Variants in CEP126 observed in about 807,000 individuals in gnomAD.
CEP126 encodes centrosomal protein 126, also known as centrosomal protein of 126 kDa.
CEP126 carries 74 observed loss-of-function variants against 107.8 expected under a neutral mutation model. The ratio of observed to expected loss-of-function variants is 0.69; its 90% confidence interval spans 0.57 to 0.83. CEP126 has a LOEUF of 0.83. Ranked by LOEUF, CEP126 falls within the 40% of genes least tolerant of loss-of-function variation. CEP126 has a pLI of 0.00. For synonymous variants in CEP126, 449 were observed against 446.0 expected, an observed-to-expected ratio of 1.01 and a Z score of -0.08; for missense variants, 1,237 against 1,281.9, an observed-to-expected ratio of 0.96 and a Z score of 0.53.
intron 3 of CEP126, 105 bp from the exon 4 acceptor site, chr11:101,947,926 A>T: frequency 2.2e-6 from 1 of 462,790 alleles, no homozygotes. Context: ...TTATTTTTAC[A>T]AAAGTTTTAA....
chr11:101,966,877 G>A (rs553382991), intron 6 of CEP126, among the ~76,000 whole-genome samples: 3 of 152,006 alleles, frequency 2.0e-5, no homozygotes. Flanking sequence ...CTATTACCCA[G>A]GTAGTAAGCA....
chr11:101,960,879 A>T (rs570787069), intron 5 of CEP126, among the ~76,000 whole-genome samples: 54 of 152,160 alleles, frequency 3.5e-4, no homozygotes, highest in South Asian at 8.3e-4. Context: ...CTTAAAATTT[A>T]TTTCTATATA....
At chr11:101,977,122 T>C (rs1941200504) in intron 6 of CEP126, among the ~76,000 whole-genome samples, 1 of 152,108 alleles carries the variant, frequency 6.6e-6, no homozygotes, top group East Asian at 1.9e-4. Flanking sequence ...CAATATACAT[T>C]TAGTGTAAAA....
chr11:101,995,439 G>C (rs1258262780), intron 10 of CEP126, among the ~76,000 whole-genome samples: 5 of 152,158 alleles, frequency 3.3e-5, no homozygotes, highest in Non-Finnish European at 7.3e-5. Flanking sequence ...AGGGCAGCTT[G>C]GGCATTTAGA....
At chr11:101,976,273 G>A (rs931316850) in intron 6 of CEP126, among the ~76,000 whole-genome samples, 1 of 152,038 alleles carries the variant, frequency 6.6e-6, no homozygotes, top group Non-Finnish European at 1.5e-5. Context: ...ATAGCCATTC[G>A]GGCTGGTGTG....
chr11:101,941,780 C>A (rs1268010444), intron 2 of CEP126, among the ~76,000 whole-genome samples: 4 of 152,158 alleles, frequency 2.6e-5, no homozygotes, highest in African/African-American at 9.6e-5. Flanking sequence ...GTTCCAGTTT[C>A]TCTACATCCT....
At chr11:101,980,810 A>G (rs902967510) in intron 7 of CEP126, among the ~76,000 whole-genome samples, 8 of 152,204 alleles carry the variant, frequency 5.3e-5, no homozygotes, top group African/African-American at 1.9e-4. Flanking sequence ...TACAATTGCC[A>G]CTTTGCACGA....
At chr11:101,929,781 G>A (rs995805903) in intron 2 of CEP126, among the ~76,000 whole-genome samples, 5 of 152,116 alleles carry the variant, frequency 3.3e-5, no homozygotes, top group African/African-American at 1.2e-4. Context: ...GGAGGGTTGA[G>A]GGCACATTGT....
chr11:101,994,054 T>C (rs1018076317), intron 10 of CEP126, among the ~76,000 whole-genome samples: 4 of 152,090 alleles, frequency 2.6e-5, no homozygotes, highest in African/African-American at 9.7e-5. Context: ...GCCAACATGG[T>C]GAAACCCTGT....
At position 101,934,649 on chromosome 11, in the gene CEP126, T is replaced by C. The variant is rs149839849; in HGVS notation, c.249-9616T>C. On this transcript the variant is annotated intron_variant, in intron 2 of 10. Coordinates refer to ENST00000263468, the MANE Select transcript of CEP126 (RefSeq NM_020802.4). ...CTGCCCTTCATAGCAACCACTGTTA[T>C]AATTTCTATCATCAGAGTTAATTTT... Among the ~76,000 whole-genome samples the C allele has an allele frequency of 1.1e-4, 17 of 152,218 alleles. No individual in the cohort carries two copies. The East Asian group carries it at 3.1e-3, about 28-fold the overall frequency.
intron 4 of CEP126, chr11:101,956,343 C>A (rs1247879787): frequency 6.6e-6 from 3 of 456,334 alleles, no homozygotes; most frequent in Non-Finnish European, 8.8e-6. Flanking sequence ...CCCCCTTATC[C>A]ACCAGTCCCC....
rs1290442331 is a variant in CEP126 at position 102,000,785 on chromosome 11, G to A, written c.*3142G>A. The A allele has an allele frequency of 6.6e-6, 1 of 152,068 alleles. No homozygotes were observed. The highest frequency in any genetic ancestry group is 1.5e-5 in the Non-Finnish European group (1 of 68,006). 9.4% of individuals were successfully genotyped at this position (152,068 alleles called of 1,614,324 possible). A position where few individuals can be genotyped will look rare whatever the true frequency, so the allele number is the denominator to read the frequency against. On this transcript the variant is annotated 3_prime_UTR_variant, in exon 11 of 11. Transcript: ENST00000263468. ...GTTTAAACACATTTCCGAGAGGCAG[G>A]GCAACTAATAACTGGTCAGAAAAAT...
At chr11:101,986,135 A>G (rs1029337672) in intron 8 of CEP126, among the ~76,000 whole-genome samples, 17 of 151,874 alleles carry the variant, frequency 1.1e-4, no homozygotes, top group African/African-American at 3.9e-4. Context: ...AGCACCCACA[A>G]TAACACCTGG....
rs1312905068 is a variant in CEP126, at chr11:101,998,222, T to C, written c.*579T>C. The C allele has an allele frequency of 6.6e-6, 1 of 152,254 alleles. No individual in the cohort carries two copies. Among genetic ancestry groups the C allele is most frequent in the African/African-American group, 2.4e-5 (1 of 41,448 alleles). The allele number at this position is 152,254 out of a possible 1,614,324, so 9.4% of individuals were successfully genotyped here. A position where few individuals can be genotyped will look rare whatever the true frequency, so the allele number is the denominator to read the frequency against. On this transcript the variant is annotated 3_prime_UTR_variant, in exon 11 of 11. Transcript: ENST00000263468. ...TCCTATGGCTGTACAATTACATCGA[T>C]TCTTCCAAATTTCATATTTCATACA...
chr11:101,995,167 T>G (rs983978085), intron 10 of CEP126, among the ~76,000 whole-genome samples: 2 of 152,166 alleles, frequency 1.3e-5, no homozygotes, highest in African/African-American at 4.8e-5. Context: ...TTTTTTGCCT[T>G]GGCACTGGGT....
chr11:101,997,820 G>A lies in CEP126; in HGVS notation c.*177G>A. 1.3e-6 allele frequency: 1 copy of A among 798,566 alleles called. No homozygotes were observed. The highest frequency in any genetic ancestry group is 2.0e-6 in the Non-Finnish European group (1 of 511,392). 49.5% of individuals were successfully genotyped at this position (798,566 alleles called of 1,614,324 possible). A position where few individuals can be genotyped will look rare whatever the true frequency, so the allele number is the denominator to read the frequency against. ...CAGAGCAGTGACATTTAACAAAGCA[G>A]TGAAGTTTAACAGAGTTCTGAGAAT... On this transcript the variant is annotated 3_prime_UTR_variant, in exon 11 of 11. Coordinates refer to ENST00000263468, the MANE Select transcript of CEP126 (RefSeq NM_020802.4).
chr11:101,985,517 A>G (rs1259307174), intron 8 of CEP126, among the ~76,000 whole-genome samples: 1 of 152,124 alleles, frequency 6.6e-6, no homozygotes, highest in Non-Finnish European at 1.5e-5. Context: ...TCCTGACCTC[A>G]GGTGATCCAC....
Position 101,915,268 on chromosome 11 carries a change from C to T in CEP126, c.-17C>T, listed in dbSNP as rs745482845. The stretch of plus-strand genomic sequence containing the variant: ...GAGGTTCTGGGGGCGAGCAGACAGG[C>T]GGCGCTGAAGTGAAGGATGCTGGCG... On this transcript the variant is annotated 5_prime_UTR_variant, in exon 1 of 11. Coordinates refer to ENST00000263468, the MANE Select transcript of CEP126 (RefSeq NM_020802.4). 6.2e-7 allele frequency: 1 copy of T among 1,612,656 alleles called. No individual in the cohort carries two copies. The highest frequency in any genetic ancestry group is 1.1e-5 in the South Asian group (1 of 90,972).
intron 8 of CEP126, among the ~76,000 whole-genome samples, chr11:101,986,351 G>T (rs1252932600): frequency 2.6e-5 from 4 of 152,118 alleles, no homozygotes; most frequent in African/African-American, 9.7e-5. Flanking sequence ...AATATTTGAT[G>T]CTTCTTTGAT....
Sources: allele counts gnomAD v4.1 joint callset (sites outside exome capture counted in the v4.1 genomes callset), GRCh38; gene constraint gnomAD v4.1.1; transcripts MANE v1.5; gene names NCBI Gene and HGNC (gene_info 2026-07-23, HGNC 2026-07-21).